The following GALNT5 variants were observed in gnomAD, a reference collection of about 807,000 sequenced individuals.
GALNT5 encodes UDP-GalNAc:polypeptide N-acetylgalactosaminyltransferase 5.
In GALNT5, 72 loss-of-function variants were observed where a neutral mutation model predicts 85.4. That is an observed-to-expected ratio of 0.84 (90% CI 0.70 to 1.03). The LOEUF (loss-of-function observed/expected upper bound fraction) is 1.03, where lower values mean the gene tolerates loss of function less well. Among genes scored for constraint, GALNT5 ranks in the 50% least tolerant of loss-of-function variants. The probability of loss-of-function intolerance (pLI) is 0.00; values close to 1 mark genes in which losing one functional copy is unlikely to be tolerated. For missense variants in GALNT5, 1,137 were observed against 1,135.5 expected, an observed-to-expected ratio of 1.00 and a Z score of -0.02; for synonymous variants, 404 against 397.0, an observed-to-expected ratio of 1.02 and a Z score of -0.21.
At chr2:157,292,265 G>A (rs1315552648) in intron 3 of GALNT5, among the ~76,000 whole-genome samples, 3 of 152,110 alleles carry the variant, frequency 2.0e-5, no homozygotes, top group Non-Finnish European at 4.4e-5. Flanking sequence ...GGAACAGTGC[G>A]TACAATGTCC....
At chr2:157,264,367 A>C (rs191265540) in intron 1 of GALNT5, among the ~76,000 whole-genome samples, 2 of 152,218 alleles carry the variant, frequency 1.3e-5, no homozygotes, top group Admixed American at 1.3e-4. Context: ...ACTCAAAGGA[A>C]TTTTTGCTGC....
chr2:157,286,786 A>G lies in GALNT5; in HGVS notation c.1741+652A>G, dbSNP rs998690026. On this transcript the variant is annotated intron_variant, in intron 3 of 9. Transcript: ENST00000259056. Reference sequence around the variant, plus strand: ...CAAAGTGCTGGGATTACAGGCCTCAAAATGTTTTTTTAAATTCGGGAACTA... The same window carrying G: ...CAAAGTGCTGGGATTACAGGCCTCAGAATGTTTTTTTAAATTCGGGAACTA... Among the ~76,000 whole-genome samples, 8 of 152,110 alleles carry G rather than the reference A, an allele frequency of 5.3e-5. No individual in the cohort carries two copies. In the South Asian group the frequency reaches 1.5e-3, roughly 28 times the overall value.
chr2:157,273,630 CTTTTTTTTT>C lies in GALNT5; in HGVS notation c.1455-10631_1455-10623del, dbSNP rs35430045. Among the ~76,000 whole-genome samples, 233 of 23,736 alleles carry C rather than the reference CTTTTTTTTT, an allele frequency of 9.8e-3. 1 individual carries two copies. The highest frequency in any genetic ancestry group is 0.071 in the African/African-American group (215 of 3,046). The allele number at this position is 23,736 out of a possible 152,430, so 15.6% of individuals were successfully genotyped here. A position where few individuals can be genotyped will look rare whatever the true frequency, so the allele number is the denominator to read the frequency against. On this transcript the variant is annotated intron_variant, in intron 1 of 9. Transcript: ENST00000259056. ...TTATTTGAAAACAGCATATTTCTTG[CTTTTTTTTT>C]TTTTTTTTTTTTTTTTTTTTGAGAC... is the stretch of plus-strand genomic sequence containing the variant.
In GALNT5 at chr2:157,258,117, G is replaced by A. The variant is rs1261450179; in HGVS notation, c.35G>A (p.Gly12Glu). Residue 12 changes from glycine (G) to glutamate (E), a missense_variant, in exon 1 of 10, where the codon GGG becomes GAG. By Grantham distance (98) the Gly-to-Glu change is moderately conservative (BLOSUM62 -2). Transcript: ENST00000259056. Reference sequence around the variant, plus strand: ...ATCCGAAAGTTTTTCCGAGGAAGTGGGCGAGTCTTGGCATTTATCTTTGTA... The same window carrying A: ...ATCCGAAAGTTTTTCCGAGGAAGTGAGCGAGTCTTGGCATTTATCTTTGTA... ...NRIRKFFRGS[G>E]RVLAFIFVAS... The A allele has an allele frequency of 1.9e-6, 3 of 1,614,014 alleles. No individual in the cohort carries two copies. The highest frequency in any genetic ancestry group is 1.1e-5 in the South Asian group (1 of 91,072).
chr2:157,309,197 CG>C (rs1446809876), intron 9 of GALNT5, among the ~76,000 whole-genome samples: 1 of 152,172 alleles, frequency 6.6e-6, no homozygotes. Flanking sequence ...ACCCAGAAAC[CG>C]GGGCTTCTAA....
intron 1 of GALNT5, among the ~76,000 whole-genome samples, chr2:157,276,925 T>G (rs1682743100): frequency 6.6e-6 from 1 of 152,204 alleles, no homozygotes; most frequent in South Asian, 2.1e-4. Context: ...GGGTGTCAAT[T>G]TTAGATCTTT....
rs1009078911 is a variant in GALNT5 at position 157,313,434 on chromosome 2, T to G, written c.*2086T>G. On this transcript the variant is annotated 3_prime_UTR_variant, in exon 10 of 10. Coordinates refer to ENST00000259056, the MANE Select transcript of GALNT5 (RefSeq NM_014568.3). ...CATTTCTCAGAATGTATTTGTGTTATTAAATGATGCATGACTCTAATTCTT... is the reference window on the plus strand; with the variant it reads ...CATTTCTCAGAATGTATTTGTGTTAGTAAATGATGCATGACTCTAATTCTT... 1.1e-4 allele frequency: 16 copies of G among 152,212 alleles called. No homozygotes were observed. The highest frequency in any genetic ancestry group is 3.9e-4 in the African/African-American group (16 of 41,466). 9.4% of individuals were successfully genotyped at this position (152,212 alleles called of 1,614,324 possible).
Position 157,305,345 on chromosome 2 carries a change from G to T in GALNT5, c.2440-404G>T, listed in dbSNP as rs113978166. 7.1e-3 allele frequency among the ~76,000 whole-genome samples: 1,074 copies of T among 152,282 alleles called. 10 individuals are homozygous for T. Among genetic ancestry groups the T allele is most frequent in the African/African-American group, 0.024 (984 of 41,544 alleles). On this transcript the variant is annotated intron_variant, in intron 7 of 9. Transcript: ENST00000259056. The stretch of plus-strand genomic sequence containing the variant: ...GATTCAGTGCTTAAGCAGTCAAAAG[G>T]CTTGAAGGGGTCAGTCAGGGAACAT...
chr2:157,273,983 C>T (rs139251243), intron 1 of GALNT5, among the ~76,000 whole-genome samples: 1,758 of 152,008 alleles, frequency 0.012, 35 homozygotes, highest in African/African-American at 0.04. Context: ...CAGCCCCCCA[C>T]CCCCTAAAAG....
At chr2:157,280,548 GT>G (rs1435369520) in intron 1 of GALNT5, among the ~76,000 whole-genome samples, 1 of 152,256 alleles carries the variant, frequency 6.6e-6, no homozygotes, top group Non-Finnish European at 1.5e-5. Context: ...ATGTTACCAA[GT>G]TTGTGGTAAT....
intron 3 of GALNT5, among the ~76,000 whole-genome samples, chr2:157,292,983 T>G (rs1175559279): frequency 1.3e-5 from 2 of 152,180 alleles, no homozygotes; most frequent in African/African-American, 2.4e-5. Context: ...ATTATAGGCG[T>G]GAGCCACCAC....
chr2:157,305,951 A>G (rs966296895), intron 8 of GALNT5, 122 bp downstream of exon 8: 2 of 632,814 alleles, frequency 3.2e-6, no homozygotes, highest in African/African-American at 3.7e-5. Flanking sequence ...TTCTTTGTAA[A>G]AAGAGAGTCC....
chr2:157,300,705 C>T lies in GALNT5; in HGVS notation c.2145C>T (p.Ile715=), dbSNP rs201738512. 1.4e-5 allele frequency: 23 copies of T among 1,613,356 alleles called. No homozygotes were observed. The East Asian group carries it at 4.9e-4, about 34-fold the overall frequency. ...KVWMCGGEIE[I]IPCSRVGHIF... ...GGATGTGTGGTGGTGAAATTGAGAT[C>T]ATTCCCTGCTCCCGAGTGGGCCATA... Residue 715 remains isoleucine, a synonymous_variant, in exon 7 of 10, where the codon ATC becomes ATT. Transcript: ENST00000259056.
intron 6 of GALNT5, among the ~76,000 whole-genome samples, chr2:157,299,981 C>G (rs896952812): frequency 6.6e-6 from 1 of 152,196 alleles, no homozygotes; most frequent in Non-Finnish European, 1.5e-5. Context: ...CCTGGAACAT[C>G]TGTCTAGAAT....
In GALNT5 at chr2:157,311,505, G is replaced by C. The variant is rs749363427; in HGVS notation, c.*157G>C. Reference sequence around the variant, plus strand: ...AATCACAATATTTGGAATACCAAAAGATGACTCAGGAAAACAGTCCAACAT... The same window carrying C: ...AATCACAATATTTGGAATACCAAAACATGACTCAGGAAAACAGTCCAACAT... On this transcript the variant is annotated 3_prime_UTR_variant, in exon 10 of 10. Transcript: ENST00000259056. 6 of 567,394 alleles carry C rather than the reference G, an allele frequency of 1.1e-5. No individual in the cohort carries two copies. Among genetic ancestry groups the C allele is most frequent in the Non-Finnish European group, 1.8e-5 (6 of 337,110 alleles). The allele number at this position is 567,394 out of a possible 1,614,324, so 35.1% of individuals were successfully genotyped here.
Position 157,259,409 on chromosome 2 carries a change from C to A in GALNT5, c.1327C>A (p.Arg443Ser). 6.7e-7 allele frequency: 1 copy of A among 1,485,888 alleles called. No homozygotes were observed. Among genetic ancestry groups the A allele is most frequent in the Non-Finnish European group, 9.0e-7 (1 of 1,116,296 alleles). The allele number at this position is 1,485,888 out of a possible 1,614,324, so 92.0% of individuals were successfully genotyped here. A position where few individuals can be genotyped will look rare whatever the true frequency, so the allele number is the denominator to read the frequency against. ...CCCCAAAGCTCCAGGGCAGTTTGGGCGTCCTGTAGTTGTCCCCCATGGAAA... is the reference window on the plus strand; with the variant it reads ...CCCCAAAGCTCCAGGGCAGTTTGGGAGTCCTGTAGTTGTCCCCCATGGAAA... ...RDPKAPGQFG[R>S]PVVVPHGKEK... The change falls in exon 1 of 10, where the codon CGT (arginine) becomes AGT (serine). Residue 443 changes from arginine to serine, a missense_variant. Transcript: ENST00000259056.
Position 157,258,368 on chromosome 2 carries a change from G to C in GALNT5, c.286G>C (p.Glu96Gln). 1 of 1,609,672 alleles carries C rather than the reference G, an allele frequency of 6.2e-7. No individual in the cohort carries two copies. The highest frequency in any genetic ancestry group is 8.5e-7 in the Non-Finnish European group (1 of 1,178,508). The change falls in exon 1 of 10, where the codon GAG becomes CAG. Residue 96 changes from glutamate (E) to glutamine (Q), a missense_variant. Physicochemically the swap from Glu to Gln is conservative, Grantham distance 29. Coordinates refer to ENST00000259056, the MANE Select transcript of GALNT5 (RefSeq NM_014568.3). Reference sequence around the variant, plus strand: ...CAAAGAGAATGTTAGAAAAACTGAGGAGAGTGTGCTCAAGGTTGAGGTGGA... The same window carrying C: ...CAAAGAGAATGTTAGAAAAACTGAGCAGAGTGTGCTCAAGGTTGAGGTGGA... ...WGKENVRKTEESVLKVEVDLD... is the reference protein window; with the variant it reads ...WGKENVRKTEQSVLKVEVDLD...
chr2:157,291,633 A>ACCCCCCCCCCCCC (rs10650005), intron 3 of GALNT5, among the ~76,000 whole-genome samples: 1 of 117,036 alleles, frequency 8.5e-6, no homozygotes, highest in African/African-American at 3.4e-5. Context: ...GTTACCACCC[A>ACCCCCCCCCCCCC]CCCCCCCCCA....
intron 1 of GALNT5, among the ~76,000 whole-genome samples, 170 bp downstream of exon 1, chr2:157,259,706 T>G (rs1255177979): frequency 6.6e-6 from 1 of 152,224 alleles, no homozygotes; most frequent in Admixed American, 6.5e-5. Context: ...ACAAAAATTC[T>G]CTTATTAGCA....
Sources: gnomAD v4.1 joint callset for allele counts (sites outside exome capture counted in the v4.1 genomes callset) on GRCh38, gnomAD v4.1.1 for gene constraint, MANE v1.5 for transcripts, NCBI Gene and HGNC (gene_info 2026-07-23, HGNC 2026-07-21) for gene names.